The following CFAP299 variants were observed in gnomAD, a reference collection of about 807,000 sequenced individuals.
CFAP299 encodes the protein cilia- and flagella-associated protein 299.
Under a neutral mutation model 27.0 loss-of-function variants are expected in CFAP299, and 21 were observed. The ratio of observed to expected loss-of-function variants is 0.78; its 90% confidence interval spans 0.55 to 1.12. The LOEUF (loss-of-function observed/expected upper bound fraction) is 1.12, where lower values mean the gene tolerates loss of function less well. CFAP299 is among the 50% of genes most tolerant of loss of function. CFAP299 has a pLI of 0.00. For missense variants in CFAP299, 310 were observed against 276.6 expected, an observed-to-expected ratio of 1.12 and a Z score of -0.86; for synonymous variants, 104 against 98.1, an observed-to-expected ratio of 1.06 and a Z score of -0.36.
chr4:80,661,960 C>A (rs1315361192), intron 3 of CFAP299, among the ~76,000 whole-genome samples: 5 of 152,122 alleles, frequency 3.3e-5, no homozygotes, highest in Non-Finnish European at 5.9e-5. Context: ...ATAGCGCTCT[C>A]AGGCTTATTA....
rs897756715 is a variant in CFAP299 at position 80,552,010 on chromosome 4, A to G, written c.243-31083A>G. Among the ~76,000 whole-genome samples the G allele has an allele frequency of 2.0e-5, 3 of 152,164 alleles. No individual in the cohort carries two copies. In the East Asian group the frequency reaches 5.8e-4, roughly 29 times the overall value. On this transcript the variant is annotated intron_variant, in intron 2 of 5. Transcript: ENST00000358105. ...GGTATCTGCCCGCCTTGTCCTCCCAAAGTGCTGGGATTACAGGCGTGAGCC... is the reference window on the plus strand; with the variant it reads ...GGTATCTGCCCGCCTTGTCCTCCCAGAGTGCTGGGATTACAGGCGTGAGCC...
At chr4:80,407,973 C>T (rs2110057599) in intron 2 of CFAP299, among the ~76,000 whole-genome samples, 1 of 152,174 alleles carries the variant, frequency 6.6e-6, no homozygotes, top group Non-Finnish European at 1.5e-5. Context: ...TTATTGTGTG[C>T]TGCTATTGTT....
At chr4:80,529,091 A>G (rs950392754) in intron 2 of CFAP299, among the ~76,000 whole-genome samples, 7 of 152,118 alleles carry the variant, frequency 4.6e-5, no homozygotes, top group Non-Finnish European at 5.9e-5. Flanking sequence ...CCAAAACTCA[A>G]TGAAGCAGTG....
At position 80,892,505 on chromosome 4, in the gene CFAP299, T is replaced by G. The variant is rs190997029; in HGVS notation, c.476+22370T>G. Among the ~76,000 whole-genome samples the G allele has an allele frequency of 1.3e-4, 20 of 152,202 alleles. No homozygotes were observed. The East Asian group carries it at 3.9e-3, about 29-fold the overall frequency. On this transcript the variant is annotated intron_variant, in intron 4 of 5. Coordinates refer to ENST00000358105, the MANE Select transcript of CFAP299 (RefSeq NM_152770.3). ...GGCAACCAAAACAAAAATGGACAAG[T>G]GGGATCACATTAAGTTATAAAGTTT...
chr4:80,325,862 T>C, the CFAP299 span, among the ~76,000 whole-genome samples: 1 of 152,096 alleles, frequency 6.6e-6, no homozygotes, highest in Non-Finnish European at 1.5e-5. Context: ...TACCTGAAAT[T>C]GAGTCTTTAC....
At chr4:80,676,844 C>T (rs1719492716) in intron 3 of CFAP299, among the ~76,000 whole-genome samples, 1 of 151,856 alleles carries the variant, frequency 6.6e-6, no homozygotes, top group Non-Finnish European at 1.5e-5. Context: ...CCTCTCTCTT[C>T]TTATGTTAGT....
rs959014688 is a variant in CFAP299 at position 80,882,060 on chromosome 4, C to CA, written c.476+11934dup. On this transcript the variant is annotated intron_variant, in intron 4 of 5. Transcript: ENST00000358105. ...ATTTTAAATTGTTCCATCAGAGGAG[C>CA]AAAAAAAAAGAATGAAAAAGACTGA... 8.3e-4 allele frequency among the ~76,000 whole-genome samples: 122 copies of CA among 147,120 alleles called. 1 individual carries two copies. Among genetic ancestry groups the CA allele is most frequent in the Non-Finnish European group, 1.4e-3 (96 of 66,596 alleles).
At chr4:80,868,637 T>G (rs1321871281) in intron 3 of CFAP299, among the ~76,000 whole-genome samples, 1 of 152,192 alleles carries the variant, frequency 6.6e-6, no homozygotes, top group Non-Finnish European at 1.5e-5. Flanking sequence ...GGCCCTGCTC[T>G]CCTCTCTGGG....
intron 2 of CFAP299, among the ~76,000 whole-genome samples, chr4:80,471,042 A>G (rs1279518166): frequency 6.6e-6 from 1 of 152,064 alleles, no homozygotes; most frequent in Non-Finnish European, 1.5e-5. Flanking sequence ...TATCCACAGA[A>G]TAACCTCGTA....
chr4:80,625,662 C>T (rs1738849808), intron 3 of CFAP299, among the ~76,000 whole-genome samples: 1 of 151,900 alleles, frequency 6.6e-6, no homozygotes, highest in Non-Finnish European at 1.5e-5. Flanking sequence ...CTTGTAAGGA[C>T]ACACATAGAC....
At chr4:80,364,630 T>C (rs980035489) in intron 2 of CFAP299, among the ~76,000 whole-genome samples, 6 of 152,218 alleles carry the variant, frequency 3.9e-5, no homozygotes, top group Admixed American at 3.9e-4. Flanking sequence ...GGGGTATGTG[T>C]GCAGGATGTG....
intron 2 of CFAP299, among the ~76,000 whole-genome samples, chr4:80,547,070 A>C (rs1377907720): frequency 6.6e-6 from 1 of 152,162 alleles, no homozygotes; most frequent in Non-Finnish European, 1.5e-5. Context: ...TCAAATCACC[A>C]AAGCAATTCT....
intron 2 of CFAP299, among the ~76,000 whole-genome samples, chr4:80,391,407 C>A (rs986725894): frequency 1.3e-5 from 2 of 152,084 alleles, no homozygotes; most frequent in Non-Finnish European, 2.9e-5. Context: ...TGATAATCGC[C>A]ATTCTAACAG....
chr4:80,414,070 T>TC (rs1726869161), intron 2 of CFAP299, among the ~76,000 whole-genome samples: 3 of 19,552 alleles, frequency 1.5e-4, no homozygotes, highest in Admixed American at 9.6e-4. Context: ...ATTTCTTTTT[T>TC]TTTTTTTTTT....
chr4:80,850,230 G>T lies in CFAP299; in HGVS notation c.334-19763G>T, dbSNP rs28698157. On this transcript the variant is annotated intron_variant, in intron 3 of 5. Transcript: ENST00000358105. The stretch of plus-strand genomic sequence containing the variant: ...ATTATGGCATAGCTTTATGGCGGTG[G>T]GGGGGGTGATAAAAGGAGAAAAAGT... Among the ~76,000 whole-genome samples the T allele has an allele frequency of 1.1e-4, 11 of 101,566 alleles. No individual in the cohort carries two copies. In the East Asian group the frequency reaches 2.5e-3, roughly 23 times the overall value. The allele number at this position is 101,566 out of a possible 152,430, so 66.6% of individuals were successfully genotyped here. A position where few individuals can be genotyped will look rare whatever the true frequency, so the allele number is the denominator to read the frequency against.
chr4:80,627,326 G>A (rs1356171440), intron 3 of CFAP299, among the ~76,000 whole-genome samples: 2 of 151,756 alleles, frequency 1.3e-5, no homozygotes, highest in Admixed American at 6.6e-5. Flanking sequence ...AAATAAATTA[G>A]GTATAGAAGG....
chr4:80,343,306 C>T (rs980661478), intron 1 of CFAP299, among the ~76,000 whole-genome samples: 1 of 152,200 alleles, frequency 6.6e-6, no homozygotes, highest in Non-Finnish European at 1.5e-5. Context: ...GACCTGAACT[C>T]AGCTCTGGAA....
chr4:80,925,721 G>T (rs1380758806), intron 4 of CFAP299, among the ~76,000 whole-genome samples: 1 of 151,998 alleles, frequency 6.6e-6, no homozygotes, highest in East Asian at 1.9e-4. Context: ...AAGAGCAAAA[G>T]AGAAGCTGAT....
At chr4:80,388,771 G>A (rs962299193) in intron 2 of CFAP299, 63 of 490,896 alleles carry the variant, frequency 1.3e-4, no homozygotes, top group African/African-American at 1.1e-3. Flanking sequence ...GGGAGGTAGG[G>A]TTTCTATGCT....
Sources: allele counts gnomAD v4.1 joint callset (sites outside exome capture counted in the v4.1 genomes callset), GRCh38; gene constraint gnomAD v4.1.1; transcripts MANE v1.5; gene names NCBI Gene and HGNC (gene_info 2026-07-23, HGNC 2026-07-21).